The following SPIDR variants were observed in gnomAD, a reference collection of about 807,000 sequenced individuals.
SPIDR encodes DNA repair-scaffolding protein.
SPIDR carries 93 observed loss-of-function variants against 104.6 expected under a neutral mutation model. The observed-to-expected ratio is 0.89, with a 90% CI of 0.75 to 1.06. SPIDR has a LOEUF of 1.06. SPIDR is among the 50% of genes least tolerant of loss of function. The pLI is 0.00. For missense variants in SPIDR, 1,154 were observed against 1,111.2 expected (o/e 1.04, Z -0.55); for synonymous variants, 431 against 416.9 (o/e 1.03, Z -0.41).
intron 19 of SPIDR, among the ~76,000 whole-genome samples, chr8:47,734,615 A>G (rs548539134): frequency 2.6e-5 from 4 of 152,320 alleles, no homozygotes; most frequent in Admixed American, 2.6e-4. Context: ...CCAGAAAGCC[A>G]GAGATGGAAT....
chr8:47,643,796 A>T (rs1563405235), intron 10 of SPIDR, among the ~76,000 whole-genome samples: 1 of 152,236 alleles, frequency 6.6e-6, no homozygotes, highest in Non-Finnish European at 1.5e-5. Flanking sequence ...TATAAACAGT[A>T]TTATTCAAAA....
intron 9 of SPIDR, among the ~76,000 whole-genome samples, chr8:47,597,064 A>T (rs2061702185): frequency 6.6e-6 from 1 of 152,230 alleles, no homozygotes; most frequent in African/African-American, 2.4e-5. Flanking sequence ...GATGTTTTAC[A>T]GATAACTTGT....
chr8:47,345,402 C>T (rs2154277727), intron 5 of SPIDR, among the ~76,000 whole-genome samples: 1 of 152,264 alleles, frequency 6.6e-6, no homozygotes, highest in South Asian at 2.1e-4. Flanking sequence ...AGTGTGATGC[C>T]TCCAGCTTTG....
intron 10 of SPIDR, among the ~76,000 whole-genome samples, chr8:47,649,282 A>G (rs1050358410): frequency 3.3e-5 from 5 of 152,158 alleles, no homozygotes; most frequent in African/African-American, 9.7e-5. Flanking sequence ...CAAAAAAAAA[A>G]AAGCACACAG....
chr8:47,261,774 A>G (rs1363024640), intron 1 of SPIDR, among the ~76,000 whole-genome samples: 3 of 152,204 alleles, frequency 2.0e-5, no homozygotes, highest in African/African-American at 7.2e-5. Context: ...CTCGCTTCTC[A>G]AATACCATTG....
At chr8:47,480,179 C>T (rs901287778) in intron 8 of SPIDR, among the ~76,000 whole-genome samples, 1 of 152,200 alleles carries the variant, frequency 6.6e-6, no homozygotes, top group East Asian at 1.9e-4. Flanking sequence ...CAGTTGAATA[C>T]TGTGCTGGGC....
intron 5 of SPIDR, among the ~76,000 whole-genome samples, chr8:47,349,418 G>T (rs1554620727): frequency 6.6e-6 from 1 of 152,214 alleles, no homozygotes; most frequent in Non-Finnish European, 1.5e-5. Context: ...TAGGCTGCTT[G>T]GGGGTCAGGG....
chr8:47,409,023 T>C (rs568035159), intron 7 of SPIDR, among the ~76,000 whole-genome samples: 1 of 152,020 alleles, frequency 6.6e-6, no homozygotes, highest in African/African-American at 2.4e-5. Context: ...CCATCTCTAC[T>C]AAAAATATAA....
chr8:47,611,830 A>G (rs746315981), intron 10 of SPIDR, among the ~76,000 whole-genome samples: 4 of 152,262 alleles, frequency 2.6e-5, no homozygotes, highest in Non-Finnish European at 5.9e-5. Flanking sequence ...GAATTAAAAT[A>G]TGACATTTAA....
At chr8:47,387,541 A>G (rs1258244997) in intron 5 of SPIDR, among the ~76,000 whole-genome samples, 1 of 152,182 alleles carries the variant, frequency 6.6e-6, no homozygotes, top group African/African-American at 2.4e-5. Flanking sequence ...TTGAATATCA[A>G]GGGACTTCTG....
chr8:47,491,954 G>T (rs1449387045), intron 8 of SPIDR, among the ~76,000 whole-genome samples: 3 of 152,160 alleles, frequency 2.0e-5, no homozygotes, highest in African/African-American at 7.2e-5. Context: ...ATGTGAGAAG[G>T]AGCCAGGCCC....
At chr8:47,465,549 A>C (rs1391163379) in intron 8 of SPIDR, among the ~76,000 whole-genome samples, 2 of 152,184 alleles carry the variant, frequency 1.3e-5, no homozygotes, top group South Asian at 4.1e-4. Context: ...CCTGGCCAAC[A>C]TGGTGAAACC....
intron 8 of SPIDR, among the ~76,000 whole-genome samples, chr8:47,501,876 G>A (rs1199708204): frequency 6.6e-6 from 1 of 152,120 alleles, no homozygotes; most frequent in Non-Finnish European, 1.5e-5. Context: ...TTTGTCAAAG[G>A]CCTTTTCTGC....
At chr8:47,516,310 T>C (rs1159789244) in intron 8 of SPIDR, among the ~76,000 whole-genome samples, 1 of 152,164 alleles carries the variant, frequency 6.6e-6, no homozygotes, top group African/African-American at 2.4e-5. Flanking sequence ...ATTTTAACCA[T>C]TTTTAGATGT....
chr8:47,286,474 T>C (rs1403901581), intron 3 of SPIDR, among the ~76,000 whole-genome samples: 1 of 152,190 alleles, frequency 6.6e-6, no homozygotes, highest in Non-Finnish European at 1.5e-5. Context: ...CTTGGGAGGC[T>C]GTGGCAGGAA....
intron 8 of SPIDR, among the ~76,000 whole-genome samples, chr8:47,565,988 ATATATTTTTTTTTTTTTTT>A (rs1332505952): frequency 2.8e-5 from 1 of 35,434 alleles, no homozygotes; most frequent in Non-Finnish European, 6.7e-5. Context: ...ATATATATAT[ATATATTTTTTTTTTTTTTT>A]TTTTTTTTTT....
At chr8:47,653,932 G>A (rs2072186585) in intron 10 of SPIDR, 1 of 963,374 alleles carries the variant, frequency 1.0e-6, no homozygotes, top group African/African-American at 1.8e-5. Flanking sequence ...GGGAATAAGA[G>A]AAGTCTTCAT....
intron 5 of SPIDR, among the ~76,000 whole-genome samples, chr8:47,317,699 G>C (rs952373760): frequency 2.6e-5 from 4 of 152,066 alleles, no homozygotes; most frequent in Admixed American, 1.3e-4. Context: ...GCACCCCCTA[G>C]TAGGGGCAGA....
chr8:47,418,572 C>G (rs2064813458), intron 7 of SPIDR, among the ~76,000 whole-genome samples: 2 of 152,148 alleles, frequency 1.3e-5, no homozygotes, highest in South Asian at 2.1e-4. Context: ...CAAACAGGGA[C>G]AATTTGACTT....
Sources: gnomAD v4.1 joint callset for allele counts (sites outside exome capture counted in the v4.1 genomes callset) on GRCh38, gnomAD v4.1.1 for gene constraint, MANE v1.5 for transcripts, NCBI Gene and HGNC (gene_info 2026-07-23, HGNC 2026-07-21) for gene names.